RBFOX1: variants seen among roughly 807,000 people sequenced by gnomAD.
RBFOX1 encodes the protein RNA binding protein fox-1 homolog 1.
RBFOX1 carries 8 observed loss-of-function variants against 57.7 expected under a neutral mutation model. The ratio of observed to expected loss-of-function variants is 0.14; its 90% confidence interval spans 0.08 to 0.25. The LOEUF is 0.25. Ranked by LOEUF, RBFOX1 falls within the 10% of genes least tolerant of loss-of-function variation. RBFOX1 has a pLI of 1.00. For synonymous variants in RBFOX1, 326 were observed against 222.4 expected (o/e 1.47, Z -4.15); for missense variants, 611 against 548.5 (o/e 1.11, Z -1.14).
intron 3 of RBFOX1, among the ~76,000 whole-genome samples, chr16:6,872,802 C>G (rs768605766): frequency 6.6e-6 from 1 of 152,102 alleles, no homozygotes; most frequent in East Asian, 1.9e-4. Flanking sequence ...TTGATGCCTT[C>G]GAACAAAATG....
intron 2 of RBFOX1, among the ~76,000 whole-genome samples, chr16:6,482,733 TG>T (rs781090466): frequency 9.9e-5 from 15 of 152,282 alleles, no homozygotes; most frequent in African/African-American, 3.6e-4. Context: ...AAAGCCTAGC[TG>T]TTTGGGGCGG....
At chr16:5,568,715 C>G (rs1228797503) in intron 2 of RBFOX1, among the ~76,000 whole-genome samples, 1 of 152,216 alleles carries the variant, frequency 6.6e-6, no homozygotes, top group Non-Finnish European at 1.5e-5. Flanking sequence ...CTTCTGCTCT[C>G]AGATTTGCCC....
chr16:7,231,802 A>G (rs2093510023), intron 4 of RBFOX1, among the ~76,000 whole-genome samples: 1 of 152,200 alleles, frequency 6.6e-6, no homozygotes, highest in South Asian at 2.1e-4. Flanking sequence ...CCCAGAATCA[A>G]AAGACCACAG....
At chr16:6,868,518 C>T (rs536159416) in intron 3 of RBFOX1, among the ~76,000 whole-genome samples, 1 of 152,050 alleles carries the variant, frequency 6.6e-6, no homozygotes, top group South Asian at 2.1e-4. Flanking sequence ...GTCACCCAGG[C>T]TGGAGTGCGG....
intron 2 of RBFOX1, among the ~76,000 whole-genome samples, chr16:6,621,885 A>C (rs1195397038): frequency 6.6e-6 from 1 of 152,182 alleles, no homozygotes; most frequent in Non-Finnish European, 1.5e-5. Context: ...CAGTGTGTTA[A>C]GTGGATGACA....
At chr16:6,693,595 TACCATCACC>T (rs2060571499) in intron 3 of RBFOX1, among the ~76,000 whole-genome samples, 2 of 151,074 alleles carry the variant, frequency 1.3e-5, no homozygotes. Flanking sequence ...CATCCTCCAC[TACCATCACC>T]ACCATCATCA....
chr16:5,552,524 C>G (rs761707087), intron 2 of RBFOX1, among the ~76,000 whole-genome samples: 2 of 152,194 alleles, frequency 1.3e-5, no homozygotes, highest in African/African-American at 4.8e-5. Flanking sequence ...CACACCTAGT[C>G]AGGGGCAGAG....
intron 4 of RBFOX1, among the ~76,000 whole-genome samples, chr16:7,061,911 C>G (rs183823950): frequency 2.8e-4 from 43 of 152,190 alleles, no homozygotes; most frequent in Middle Eastern, 6.8e-3. Flanking sequence ...AATAGGGCAT[C>G]TCTAGTTCCC....
intron 3 of RBFOX1, among the ~76,000 whole-genome samples, chr16:6,691,567 C>A (rs929748050): frequency 3.3e-5 from 5 of 152,062 alleles, no homozygotes; most frequent in Non-Finnish European, 7.4e-5. Flanking sequence ...TTATATGTAT[C>A]ATTTGATATC....
At chr16:5,506,470 C>A (rs538968634) in intron 2 of RBFOX1, among the ~76,000 whole-genome samples, 1 of 152,276 alleles carries the variant, frequency 6.6e-6, no homozygotes, top group South Asian at 2.1e-4. Flanking sequence ...GAAAAACAAA[C>A]AAATTAGGAA....
chr16:5,512,855 GACACAACATT>G (rs1230492617), intron 2 of RBFOX1, among the ~76,000 whole-genome samples: 1 of 152,116 alleles, frequency 6.6e-6, no homozygotes, highest in Non-Finnish European at 1.5e-5. Flanking sequence ...TTGTATCCAG[GACACAACATT>G]ACATTGAGTT....
At chr16:6,617,328 A>T (rs10521255) in intron 2 of RBFOX1, among the ~76,000 whole-genome samples, 4,504 of 152,128 alleles carry the variant, frequency 0.03, 236 homozygotes, top group African/African-American at 0.1. Context: ...TCAAAAACAG[A>T]TAGGCAGTTG....
At chr16:5,297,116 G>A (rs1432468666) in intron 1 of RBFOX1, among the ~76,000 whole-genome samples, 2 of 152,192 alleles carry the variant, frequency 1.3e-5, no homozygotes, top group Non-Finnish European at 2.9e-5. Flanking sequence ...TAAAGGCTGA[G>A]TGGTATTCCA....
intron 1 of RBFOX1, among the ~76,000 whole-genome samples, chr16:5,326,915 A>G (rs879942186): frequency 2.0e-5 from 3 of 152,210 alleles, no homozygotes; most frequent in South Asian, 4.1e-4. Flanking sequence ...CATTTGTCCA[A>G]TATCGAGCCA....
chr16:7,649,517 C>T lies in RBFOX1; in HGVS notation c.758-4298C>T, dbSNP rs893826439. Among the ~76,000 whole-genome samples the T allele has an allele frequency of 1.3e-4, 19 of 151,906 alleles. No individual in the cohort carries two copies. The East Asian group carries it at 1.5e-3, about 12-fold the overall frequency. On this transcript the variant is annotated intron_variant, in intron 11 of 15. Coordinates refer to ENST00000550418, the MANE Select transcript of RBFOX1 (RefSeq NM_018723.4). ...TCCTAGCCTTCACTTACGATGGAGT[C>T]GCTGTGGTTCGAACACCTCTAATGG...
chr16:7,182,889 C>T (rs541695477), intron 4 of RBFOX1, among the ~76,000 whole-genome samples: 2 of 152,202 alleles, frequency 1.3e-5, no homozygotes, highest in Non-Finnish European at 2.9e-5. Context: ...AAGATCTTCC[C>T]TGTTCACAAC....
intron 4 of RBFOX1, among the ~76,000 whole-genome samples, chr16:7,510,938 G>T (rs1315832517): frequency 6.6e-6 from 1 of 152,196 alleles, no homozygotes; most frequent in African/African-American, 2.4e-5. Flanking sequence ...GTTAAGGCCA[G>T]AGGAGGTTCT....
intron 4 of RBFOX1, among the ~76,000 whole-genome samples, chr16:7,371,900 A>G (rs754907724): frequency 1.6e-4 from 25 of 151,888 alleles, no homozygotes; most frequent in Non-Finnish European, 2.9e-4. Context: ...TATGCCATGG[A>G]GCCTCCTTCA....
chr16:6,919,174 G>T (rs184241365), intron 3 of RBFOX1, among the ~76,000 whole-genome samples: 7 of 151,974 alleles, frequency 4.6e-5, no homozygotes, highest in African/African-American at 1.4e-4. Context: ...TTGGAGATGG[G>T]GTTTCACCAT....
Sources: gnomAD v4.1 joint callset for allele counts (sites outside exome capture counted in the v4.1 genomes callset) on GRCh38, gnomAD v4.1.1 for gene constraint, MANE v1.5 for transcripts, NCBI Gene and HGNC (gene_info 2026-07-23, HGNC 2026-07-21) for gene names.